KSR2: variants seen among roughly 807,000 people sequenced by gnomAD.
The protein encoded by KSR2 is kinase suppressor of ras 2.
KSR2 carries 25 observed loss-of-function variants against 107.8 expected under a neutral mutation model. The observed-to-expected ratio is 0.23, with a 90% CI of 0.17 to 0.32. The LOEUF is 0.32. Ranked by LOEUF, KSR2 falls within the 10% of genes least tolerant of loss-of-function variation. The pLI, the probability that KSR2 is intolerant of heterozygous loss-of-function variation, is 1.00. For missense variants in KSR2, 887 were observed against 1,268.9 expected, an observed-to-expected ratio of 0.70 and a Z score of 4.57; for synonymous variants, 480 against 507.0, an observed-to-expected ratio of 0.95 and a Z score of 0.71.
chr12:117,917,951 G>A (rs1043703142), intron 1 of KSR2, among the ~76,000 whole-genome samples: 6 of 152,272 alleles, frequency 3.9e-5, no homozygotes, highest in East Asian at 3.9e-4. Flanking sequence ...AGATCCAACC[G>A]TGCTGAGCCC....
intron 1 of KSR2, among the ~76,000 whole-genome samples, chr12:117,926,179 T>C (rs773619930): frequency 9.9e-5 from 15 of 152,106 alleles, no homozygotes; most frequent in South Asian, 2.1e-4. Context: ...GCGTATGTGA[T>C]AGAGTGAGAC....
intron 4 of KSR2, among the ~76,000 whole-genome samples, chr12:117,697,063 C>T (rs4766869): frequency 0.12 from 18,136 of 152,158 alleles, 1,119 homozygotes; most frequent in Admixed American, 0.16. Context: ...AACCATTTTG[C>T]GGACGCTAGT....
chr12:117,703,783 T>C lies in KSR2; in HGVS notation c.987-36125A>G, dbSNP rs186033026. On this transcript the variant is annotated intron_variant, in intron 4 of 19. Transcript: ENST00000339824. Reference sequence around the variant, plus strand: ...CTTCCAGACCTGCTCTGCCGGGGCATACGTCCTCCCAATCAGGATGCTGAG... The same window carrying C: ...CTTCCAGACCTGCTCTGCCGGGGCACACGTCCTCCCAATCAGGATGCTGAG... 2.8e-4 allele frequency among the ~76,000 whole-genome samples: 43 copies of C among 152,298 alleles called. No homozygotes were observed. The East Asian group carries it at 7.9e-3, about 28-fold the overall frequency.
intron 4 of KSR2, among the ~76,000 whole-genome samples, chr12:117,691,275 A>T (rs2136572667): frequency 6.6e-6 from 1 of 152,276 alleles, no homozygotes; most frequent in Non-Finnish European, 1.5e-5. Flanking sequence ...CTCAGGGAGC[A>T]ATGTCAGATA....
chr12:117,840,977 G>A (rs928490058), intron 3 of KSR2, among the ~76,000 whole-genome samples: 1 of 150,108 alleles, frequency 6.7e-6, no homozygotes, highest in African/African-American at 2.4e-5. Context: ...AATCTAGCCG[G>A]GGCGACAGAG....
At chr12:117,830,958 A>T (rs1168837144) in intron 3 of KSR2, among the ~76,000 whole-genome samples, 1 of 152,200 alleles carries the variant, frequency 6.6e-6, no homozygotes, top group Non-Finnish European at 1.5e-5. Flanking sequence ...AGGAAATTTA[A>T]TTAAATAAAT....
intron 1 of KSR2, among the ~76,000 whole-genome samples, chr12:117,906,353 CAA>C (rs57733205): frequency 1.8e-3 from 102 of 58,204 alleles, no homozygotes; most frequent in South Asian, 8.2e-3. Context: ...AACTCTGTCT[CAA>C]AAAAAAAAAA....
intron 3 of KSR2, among the ~76,000 whole-genome samples, chr12:117,811,031 A>G (rs74828719): frequency 0.045 from 6,922 of 152,314 alleles, 214 homozygotes; most frequent in East Asian, 0.091. Flanking sequence ...CAAAAGACCC[A>G]TCAATTGGTT....
At position 117,484,546 on chromosome 12, in the gene KSR2, T is replaced by C; in HGVS notation, c.2320A>G (p.Met774Val). 1 of 1,613,732 alleles carries C rather than the reference T, an allele frequency of 6.2e-7. No homozygotes were observed. The highest frequency in any genetic ancestry group is 8.5e-7 in the Non-Finnish European group (1 of 1,179,748). The change falls in exon 16 of 20, where the codon ATG becomes GTG. Residue 774 changes from methionine (M) to valine (V), a missense_variant. Met to Val is a conservative substitution (Grantham distance 21). Transcript: ENST00000339824. ...ATTCCCTTGGCGTGGAGGTAGCCCA[T>C]GCCCTGCAAGAAGCAAGGAACAGAG... ...RQIAQEIVKGMGYLHAKGILH... is the reference protein window; with the variant it reads ...RQIAQEIVKGVGYLHAKGILH...
At chr12:117,806,163 G>A (rs1319229071) in intron 3 of KSR2, among the ~76,000 whole-genome samples, 1 of 152,206 alleles carries the variant, frequency 6.6e-6, no homozygotes, top group Non-Finnish European at 1.5e-5. Context: ...GGAGGGAGAT[G>A]AGTATAAGGA....
Position 117,753,092 on chromosome 12 carries a change from T to C in KSR2, c.986+7919A>G, listed in dbSNP as rs74922058. ...GAGGGAAAACAAAGGCTGATAAGAA[T>C]GTCAGAGGGATTCTTGATAACTCTC... On this transcript the variant is annotated intron_variant, in intron 4 of 19. Transcript: ENST00000339824. Among the ~76,000 whole-genome samples, 661 of 152,374 alleles carry C rather than the reference T, an allele frequency of 4.3e-3. 7 individuals carry two copies. Among genetic ancestry groups the C allele is most frequent in the African/African-American group, 0.015 (630 of 41,584 alleles).
At chr12:117,717,698 TGTGTG>T (rs1887045782) in intron 4 of KSR2, among the ~76,000 whole-genome samples, 1 of 100,200 alleles carries the variant, frequency 1.0e-5, no homozygotes, top group African/African-American at 2.9e-5. Flanking sequence ...TGTGTGTGTG[TGTGTG>T]TGTGTGTGTG....
At chr12:117,621,855 C>T in intron 5 of KSR2, among the ~76,000 whole-genome samples, 1 of 151,972 alleles carries the variant, frequency 6.6e-6, no homozygotes, top group East Asian at 1.9e-4. Context: ...ATAATGCAGA[C>T]CTTCTCCCCA....
chr12:117,950,427 T>C (rs559967708), intron 1 of KSR2, among the ~76,000 whole-genome samples: 3 of 152,252 alleles, frequency 2.0e-5, no homozygotes, highest in South Asian at 2.1e-4. Context: ...AACTGCTATA[T>C]GTTTGAAATC....
chr12:117,719,589 CCCACTCCCCA>C (rs1295516671), intron 4 of KSR2, among the ~76,000 whole-genome samples: 1 of 152,152 alleles, frequency 6.6e-6, no homozygotes, highest in African/African-American at 2.4e-5. Flanking sequence ...TCCAGTTTGC[CCCACTCCCCA>C]CCATTCCCTA....
intron 1 of KSR2, among the ~76,000 whole-genome samples, chr12:117,894,847 C>T (rs1894461414): frequency 6.6e-6 from 1 of 151,598 alleles, no homozygotes; most frequent in African/African-American, 2.4e-5. Context: ...ACCAATGCTT[C>T]CTAAACATCC....
At chr12:117,673,569 G>C (rs546453193) in intron 4 of KSR2, among the ~76,000 whole-genome samples, 1 of 152,254 alleles carries the variant, frequency 6.6e-6, no homozygotes, top group South Asian at 2.1e-4. Flanking sequence ...ATGGCTATTT[G>C]ATTAGAGTAG....
At chr12:117,886,933 T>C (rs574568211) in intron 1 of KSR2, among the ~76,000 whole-genome samples, 15 of 152,302 alleles carry the variant, frequency 9.8e-5, no homozygotes, top group African/African-American at 3.6e-4. Context: ...TTCATTGTTA[T>C]ATTTTTTTGA....
intron 5 of KSR2, among the ~76,000 whole-genome samples, chr12:117,622,069 G>A: frequency 6.6e-6 from 1 of 152,072 alleles, no homozygotes; most frequent in Admixed American, 6.6e-5. Context: ...GACCTCACAA[G>A]CAGGATGGCA....
Sources: gnomAD v4.1 joint callset for allele counts (sites outside exome capture counted in the v4.1 genomes callset) on GRCh38, gnomAD v4.1.1 for gene constraint, MANE v1.5 for transcripts, NCBI Gene and HGNC (gene_info 2026-07-23, HGNC 2026-07-21) for gene names.